The following FAM169A variants were observed in gnomAD, a reference collection of about 807,000 sequenced individuals.
FAM169A encodes family with sequence similarity 169 member A.
FAM169A carries 24 observed loss-of-function variants against 75.7 expected under a neutral mutation model. The ratio of observed to expected loss-of-function variants is 0.32; its 90% CI spans 0.23 to 0.45. The LOEUF (loss-of-function observed/expected upper bound fraction) is 0.45. Among genes scored for constraint, FAM169A ranks in the 20% least tolerant of loss-of-function variants. The probability of loss-of-function intolerance (pLI) is 1.00; values close to 1 mark genes in which losing one functional copy is unlikely to be tolerated. For missense variants in FAM169A, 673 were observed against 784.0 expected (o/e 0.86, Z 1.69); for synonymous variants, 271 against 271.0 (o/e 1.00, Z 0.00).
At chr5:74,858,822 T>C (rs1047909460) in intron 1 of FAM169A, among the ~76,000 whole-genome samples, 1 of 152,150 alleles carries the variant, frequency 6.6e-6, no homozygotes, top group African/African-American at 2.4e-5. Context: ...GTATAAATAA[T>C]ACAGAACAAT....
At chr5:74,854,744 A>G (rs1749621985) in intron 1 of FAM169A, among the ~76,000 whole-genome samples, 1 of 152,190 alleles carries the variant, frequency 6.6e-6, no homozygotes, top group African/African-American at 2.4e-5. Context: ...TACTTAACAT[A>G]ATGATCTCAA....
At chr5:74,843,468 T>C (rs1360265047) in intron 1 of FAM169A, among the ~76,000 whole-genome samples, 1 of 152,186 alleles carries the variant, frequency 6.6e-6, no homozygotes, top group East Asian at 1.9e-4. Context: ...TAAAACAATG[T>C]GATACAGGCA....
chr5:74,858,542 T>C (rs1185090891), intron 1 of FAM169A, among the ~76,000 whole-genome samples: 1 of 152,008 alleles, frequency 6.6e-6, no homozygotes, highest in Non-Finnish European at 1.5e-5. Flanking sequence ...TGGGTACACA[T>C]GGACACAATG....
intron 4 of FAM169A, 142 bp downstream of exon 4, chr5:74,838,823 C>T: frequency 1.5e-6 from 1 of 684,524 alleles, no homozygotes; most frequent in Non-Finnish European, 2.6e-6. Context: ...CGAATGCTGG[C>T]TTCATCGTAA....
intron 4 of FAM169A, among the ~76,000 whole-genome samples, chr5:74,838,444 T>C (rs1416044117): frequency 6.6e-6 from 1 of 152,174 alleles, no homozygotes; most frequent in Non-Finnish European, 1.5e-5. Flanking sequence ...AGATGTCTCT[T>C]AAACCCTTTC....
intron 5 of FAM169A, among the ~76,000 whole-genome samples, chr5:74,830,443 C>G (rs1396194700): frequency 6.6e-5 from 10 of 152,092 alleles, no homozygotes; most frequent in Admixed American, 6.5e-4. Flanking sequence ...AAGATGTGCT[C>G]TAATCCCACT....
intron 5 of FAM169A, among the ~76,000 whole-genome samples, chr5:74,834,041 T>A (rs1252489415): frequency 1.3e-5 from 2 of 152,166 alleles, no homozygotes; most frequent in African/African-American, 4.8e-5. Flanking sequence ...AAACAGGCTA[T>A]GCATTTGGGC....
At chr5:74,828,397 A>C (rs567427338) in intron 5 of FAM169A, among the ~76,000 whole-genome samples, 1 of 152,290 alleles carries the variant, frequency 6.6e-6, no homozygotes, top group South Asian at 2.1e-4. Context: ...ACTCCAGATT[A>C]GCAAGATAAA....
At chr5:74,835,046 T>C (rs891234018) in intron 4 of FAM169A, among the ~76,000 whole-genome samples, 45 of 151,504 alleles carry the variant, frequency 3.0e-4, no homozygotes, top group Admixed American at 8.5e-4. Context: ...CTGAACACTT[T>C]AAGAACAATT....
Position 74,780,698 on chromosome 5 carries a change from T to C in FAM169A, c.*762A>G, listed in dbSNP as rs761916633. On this transcript the variant is annotated 3_prime_UTR_variant, in exon 13 of 13. Transcript: ENST00000687041. ...CTAAACTTCTAGGCGTCTGCACATA[T>C]GCAGACAAAAAAAATTACAGCAAAC... is the stretch of plus-strand genomic sequence containing the variant. The C allele has an allele frequency of 2.0e-5, 3 of 152,160 alleles. No individual in the cohort carries two copies. Among genetic ancestry groups the C allele is most frequent in the Admixed American group, 6.5e-5 (1 of 15,280 alleles). The allele number at this position is 152,160 out of a possible 1,614,324, so 9.4% of individuals were successfully genotyped here. A position where few individuals can be genotyped will look rare whatever the true frequency, so the allele number is the denominator to read the frequency against.
intron 11 of FAM169A, among the ~76,000 whole-genome samples, chr5:74,784,510 C>CAAA (rs200414695): frequency 0.027 from 813 of 29,856 alleles, 203 homozygotes; most frequent in African/African-American, 0.16. Context: ...GACTCCGTCT[C>CAAA]AAAAAAAAAA....
chr5:74,805,945 G>A (rs191098463), intron 6 of FAM169A, among the ~76,000 whole-genome samples: 2 of 120,726 alleles, frequency 1.7e-5, no homozygotes, highest in East Asian at 2.4e-4. Flanking sequence ...TATTCAGTAT[G>A]TACAACTATT....
chr5:74,853,084 G>A lies in FAM169A; in HGVS notation c.-3-11405C>T, dbSNP rs1019945624. Among the ~76,000 whole-genome samples, 26 of 152,288 alleles carry A rather than the reference G, an allele frequency of 1.7e-4. 1 individual carries two copies. Among genetic ancestry groups the A allele is most frequent in the Non-Finnish European group, 2.9e-5 (2 of 68,018 alleles). ...TACTTTTTCAGCACATGTAAAAAGTGAGGATGAGCCAAATGATCACTGATA... is the reference window on the plus strand; with the variant it reads ...TACTTTTTCAGCACATGTAAAAAGTAAGGATGAGCCAAATGATCACTGATA... On this transcript the variant is annotated intron_variant, in intron 1 of 12. Transcript: ENST00000687041.
intron 8 of FAM169A, among the ~76,000 whole-genome samples, chr5:74,801,965 A>G (rs1183710626): frequency 6.6e-6 from 1 of 152,218 alleles, no homozygotes; most frequent in African/African-American, 2.4e-5. Context: ...TTAAGCCTCC[A>G]AACTTTCTTC....
At chr5:74,821,801 T>C (rs1305363214) in intron 5 of FAM169A, among the ~76,000 whole-genome samples, 2 of 152,210 alleles carry the variant, frequency 1.3e-5, no homozygotes, top group Non-Finnish European at 2.9e-5. Context: ...CATATTGGCT[T>C]AGAACTAAAA....
At chr5:74,791,609 C>T (rs957304207) in intron 11 of FAM169A, among the ~76,000 whole-genome samples, 6 of 152,184 alleles carry the variant, frequency 3.9e-5, no homozygotes, top group Non-Finnish European at 7.3e-5. Flanking sequence ...TACTACTCCA[C>T]AATGGAGGTA....
chr5:74,812,459 T>A (rs1210310303), intron 6 of FAM169A, among the ~76,000 whole-genome samples: 6 of 151,624 alleles, frequency 4.0e-5, no homozygotes, highest in East Asian at 1.9e-4. Flanking sequence ...TTTTTTTTTT[T>A]AATTGAGGTG....
chr5:74,817,732 C>CACAAGAAG, intron 5 of FAM169A, among the ~76,000 whole-genome samples: 1 of 152,244 alleles, frequency 6.6e-6, no homozygotes. Flanking sequence ...CTTGTCAAGA[C>CACAAGAAG]TGATTCACAC....
At chr5:74,859,760 A>G (rs949759462) in intron 1 of FAM169A, among the ~76,000 whole-genome samples, 2 of 152,076 alleles carry the variant, frequency 1.3e-5, no homozygotes, top group Admixed American at 1.3e-4. Flanking sequence ...GCTCATGCCT[A>G]TAATCCCAGC....
Sources: gnomAD v4.1 joint callset for allele counts (sites outside exome capture counted in the v4.1 genomes callset) on GRCh38, gnomAD v4.1.1 for gene constraint, MANE v1.5 for transcripts, NCBI Gene and HGNC (gene_info 2026-07-23, HGNC 2026-07-21) for gene names.